CHM: variants seen among roughly 807,000 people sequenced by gnomAD.
The protein encoded by CHM is rab proteins geranylgeranyltransferase component A 1.
A neutral mutation model predicts 49.0 loss-of-function variants in CHM; 10 were observed. That is an observed-to-expected ratio of 0.20 (90% CI 0.13 to 0.35). CHM has a LOEUF of 0.35. Ranked by LOEUF, CHM falls within the 10% of genes least tolerant of loss-of-function variation. The pLI, the probability that CHM is intolerant of heterozygous loss-of-function variation, is 1.00. For missense variants in CHM, 455 were observed against 478.4 expected, an observed-to-expected ratio of 0.95 and a Z score of 0.46; for synonymous variants, 184 against 167.5, an observed-to-expected ratio of 1.10 and a Z score of -0.76.
chrX:86,019,881 T>C (rs1174240220), intron 2 of CHM, among the ~76,000 whole-genome samples: 1 of 111,143 alleles, frequency 9.0e-6, no homozygotes, highest in Non-Finnish European at 1.9e-5. Context: ...CCAATGGCAA[T>C]GACGGTGAGG....
intron 4 of CHM, among the ~76,000 whole-genome samples, chrX:85,973,956 T>C (rs1931109846): frequency 1.8e-5 from 2 of 111,722 alleles, no homozygotes; most frequent in South Asian, 7.4e-4. Context: ...GCATAAAACT[T>C]TTCCTCTTTA....
At chrX:85,920,222 A>C (rs1364618918) in intron 8 of CHM, among the ~76,000 whole-genome samples, 3 of 109,031 alleles carry the variant, frequency 2.8e-5, no homozygotes, top group Non-Finnish European at 5.7e-5. Context: ...CAGCCTCCCG[A>C]GTAGCTGGGA....
rs760189967 is a variant in CHM, at chrX:86,022,634, C to G, written c.116+4857G>C. ...CACTATATGCATTTTCAGGATGATT[C>G]TATTCACTTCTTTGGTTTTAACAGC... On this transcript the variant is annotated intron_variant, in intron 2 of 14. Transcript: ENST00000357749. 7.2e-5 allele frequency among the ~76,000 whole-genome samples: 8 copies of G among 111,049 alleles called. No homozygotes were observed. The Admixed American group carries it at 7.7e-4, about 11-fold the overall frequency.
At chrX:85,883,530 T>C (rs1168594084) in intron 12 of CHM, among the ~76,000 whole-genome samples, 2 of 111,236 alleles carry the variant, frequency 1.8e-5, no homozygotes, top group Admixed American at 1.9e-4. Flanking sequence ...CTCAGTAGAA[T>C]TTAAGAACTC....
intron 1 of CHM, among the ~76,000 whole-genome samples, chrX:86,033,945 A>G (rs1351973410): frequency 8.9e-6 from 1 of 111,976 alleles, no homozygotes; most frequent in Non-Finnish European, 1.9e-5. Context: ...TATACTACCC[A>G]TTAAAACATT....
intron 7 of CHM, 37 bp downstream of exon 7, chrX:85,957,818 C>T: frequency 8.4e-7 from 1 of 1,186,585 alleles, no homozygotes; most frequent in East Asian, 3.0e-5. Context: ...TAAGAAATGT[C>T]AAATAATTGG....
At chrX:86,030,521 G>C (rs1210554106) in intron 1 of CHM, among the ~76,000 whole-genome samples, 1 of 111,737 alleles carries the variant, frequency 8.9e-6, no homozygotes, top group Non-Finnish European at 1.9e-5. Context: ...GGGAGAGAGA[G>C]AACAAACTGT....
intron 8 of CHM, among the ~76,000 whole-genome samples, chrX:85,928,408 T>G (rs1928217630): frequency 9.1e-6 from 1 of 110,272 alleles, no homozygotes; most frequent in Admixed American, 9.6e-5. Context: ...CTGGGCATGG[T>G]GGCGGGCGCC....
chrX:86,015,422 A>C (rs1049480867), intron 2 of CHM, among the ~76,000 whole-genome samples: 2 of 111,922 alleles, frequency 1.8e-5, no homozygotes, highest in African/African-American at 3.3e-5. Context: ...TGACTTTATC[A>C]GTAGCGTGAA....
At chrX:85,926,453 C>A (rs1449053304) in intron 8 of CHM, among the ~76,000 whole-genome samples, 2 of 110,927 alleles carry the variant, frequency 1.8e-5, no homozygotes, top group Non-Finnish European at 3.8e-5. Flanking sequence ...TTCTTCCCTC[C>A]TGTGGGTTAT....
chrX:85,983,744 C>A (rs992599959), intron 2 of CHM, among the ~76,000 whole-genome samples: 1 of 111,135 alleles, frequency 9.0e-6, no homozygotes, highest in Non-Finnish European at 1.9e-5. Flanking sequence ...AAATATATAT[C>A]AAAAATCTAA....
intron 1 of CHM, among the ~76,000 whole-genome samples, chrX:86,036,002 C>A (rs1382836733): frequency 9.1e-6 from 1 of 109,968 alleles, no homozygotes; most frequent in East Asian, 2.9e-4. Context: ...ACCGTGTTAA[C>A]CAGGATGGCC....
intron 2 of CHM, chrX:86,019,757 C>T (rs1052557137): frequency 9.0e-6 from 1 of 111,339 alleles, no homozygotes; most frequent in African/African-American, 3.3e-5. Flanking sequence ...AGCAATAGCA[C>T]AGTATAGTAA....
intron 2 of CHM, among the ~76,000 whole-genome samples, chrX:86,011,651 A>G (rs1233380629): frequency 8.9e-6 from 1 of 111,991 alleles, no homozygotes; most frequent in Non-Finnish European, 1.9e-5. Flanking sequence ...AGCTATGAAT[A>G]TATTATCTTA....
chrX:85,875,465 G>A (rs1349916411), intron 13 of CHM, among the ~76,000 whole-genome samples: 1 of 111,351 alleles, frequency 9.0e-6, no homozygotes, highest in Non-Finnish European at 1.9e-5. Flanking sequence ...TGGAGTAAGT[G>A]TAGAATAGGG....
At chrX:85,887,002 C>A (rs978422571) in intron 12 of CHM, among the ~76,000 whole-genome samples, 3 of 105,796 alleles carry the variant, frequency 2.8e-5, no homozygotes, top group African/African-American at 1.0e-4. Flanking sequence ...ATTAACTTCT[C>A]TTTTTATTGA....
chrX:85,996,019 T>A (rs901903128), intron 2 of CHM, among the ~76,000 whole-genome samples: 6 of 112,169 alleles, frequency 5.3e-5, no homozygotes, highest in Non-Finnish European at 9.4e-5. Flanking sequence ...TATTCTCCTA[T>A]CCCTTTATGG....
At chrX:85,994,616 G>T (rs1932356761) in intron 2 of CHM, among the ~76,000 whole-genome samples, 1 of 111,620 alleles carries the variant, frequency 9.0e-6, no homozygotes, top group African/African-American at 3.3e-5. Flanking sequence ...AGGAAAAATA[G>T]CAAAATTAGA....
intron 4 of CHM, among the ~76,000 whole-genome samples, chrX:85,972,421 C>T (rs1248672172): frequency 1.8e-5 from 2 of 112,949 alleles, no homozygotes; most frequent in East Asian, 2.8e-4. Context: ...CGGCATTTGT[C>T]GGGGAGGCTC....
Sources: gnomAD v4.1 joint callset for allele counts (sites outside exome capture counted in the v4.1 genomes callset) on GRCh38, gnomAD v4.1.1 for gene constraint, MANE v1.5 for transcripts, NCBI Gene and HGNC (gene_info 2026-07-23, HGNC 2026-07-21) for gene names.